Variants in AGAP1 observed in about 807,000 individuals in gnomAD.
AGAP1 encodes ArfGAP with GTPase domain, ankyrin repeat and PH domain 1, also known as arf-GAP with GTPase, ANK repeat and PH domain-containing protein 1.
In AGAP1, 29 loss-of-function variants were observed where a neutral mutation model predicts 105.3. The observed-to-expected ratio is 0.28, with a 90% CI of 0.21 to 0.38. AGAP1 has a LOEUF of 0.38. Among genes scored for constraint, AGAP1 ranks in the 10% least tolerant of loss-of-function variants. AGAP1 has a pLI of 1.00. For synonymous variants in AGAP1, 509 were observed against 485.9 expected, an observed-to-expected ratio of 1.05 and a Z score of -0.63; for missense variants, 998 against 1,165.1, an observed-to-expected ratio of 0.86 and a Z score of 2.09.
intron 1 of AGAP1, among the ~76,000 whole-genome samples, chr2:235,542,582 G>C (rs1183903153): frequency 6.7e-6 from 1 of 148,584 alleles, no homozygotes; most frequent in Non-Finnish European, 1.5e-5. Context: ...CCTTTGATGT[G>C]TCCATTCAGA....
Position 235,930,849 on chromosome 2 carries a change from A to G in AGAP1, c.1409A>G (p.Gln470Arg), listed in dbSNP as rs1242886213. ...SFNSRPDGMH[Q>R]RSYSVSSADQ... Reference sequence around the variant, plus strand: ...AACAGCCGACCCGACGGCATGCACCAGCGCTCCTACTCAGTCTCCAGTGCC... The same window carrying G: ...AACAGCCGACCCGACGGCATGCACCGGCGCTCCTACTCAGTCTCCAGTGCC... The change falls in exon 12 of 18, where the codon CAG becomes CGG. Residue 470 changes from glutamine (Q) to arginine (R), a missense_variant. By Grantham distance (43) the Gln-to-Arg change is conservative. Around this residue, in one of 3 missense-constraint regions of AGAP1, gnomAD observed 735 missense variants for 833.4 expected, o/e 0.88. Transcript: ENST00000304032. This position sits in a 1 kb window ranked among gnomAD's most constrained non-coding sequence, Gnocchi z 7.9. The G allele has an allele frequency of 1.2e-6, 2 of 1,614,118 alleles. No individual in the cohort carries two copies. Among genetic ancestry groups the G allele is most frequent in the East Asian group, 4.5e-5 (2 of 44,854 alleles).
chr2:235,896,103 C>G (rs1396590195), intron 10 of AGAP1, among the ~76,000 whole-genome samples: 1 of 152,222 alleles, frequency 6.6e-6, no homozygotes, highest in Non-Finnish European at 1.5e-5. Context: ...ACACAAATTC[C>G]TATCCCCCCT....
intron 6 of AGAP1, among the ~76,000 whole-genome samples, chr2:235,763,038 G>GTGTGTGTGTGTGTA (rs1954590114): frequency 7.6e-6 from 1 of 131,886 alleles, no homozygotes; most frequent in Non-Finnish European, 1.7e-5. Context: ...AGGCTCGGGT[G>GTGTGTGTGTGTGTA]TGTGTGTGTG....
At chr2:235,502,948 A>ATTAGC (rs967469558) in intron 1 of AGAP1, among the ~76,000 whole-genome samples, 26 of 152,094 alleles carry the variant, frequency 1.7e-4, no homozygotes, top group Non-Finnish European at 3.4e-4. Context: ...TTTAGCTTCA[A>ATTAGC]TTCAATAAGT....
chr2:235,742,837 A>G (rs564576046), intron 4 of AGAP1, among the ~76,000 whole-genome samples: 8 of 152,324 alleles, frequency 5.3e-5, no homozygotes, highest in African/African-American at 1.9e-4. Context: ...AAGTCTTACC[A>G]GTATATGAAG....
intron 1 of AGAP1, among the ~76,000 whole-genome samples, chr2:235,562,931 G>A (rs1944211076): frequency 6.6e-6 from 1 of 152,108 alleles, no homozygotes; most frequent in East Asian, 1.9e-4. Flanking sequence ...CCGGTGGTGT[G>A]CGCCTGTAGT....
chr2:235,878,887 G>A (rs2049875830), intron 9 of AGAP1, among the ~76,000 whole-genome samples: 1 of 152,234 alleles, frequency 6.6e-6, no homozygotes, highest in Non-Finnish European at 1.5e-5. Context: ...GGTGACAGAG[G>A]TGCCTGCCAG....
intron 16 of AGAP1, among the ~76,000 whole-genome samples, chr2:236,102,189 G>C (rs111760285): frequency 6.6e-6 from 1 of 151,912 alleles, no homozygotes; most frequent in South Asian, 2.1e-4. Flanking sequence ...AGGCCAAGGC[G>C]GGCGGATCAC....
chr2:235,989,855 G>A lies in AGAP1; in HGVS notation c.1645+21232G>A, dbSNP rs759528854. On this transcript the variant is annotated intron_variant, in intron 13 of 17. Transcript: ENST00000304032. The surrounding 1 kb of genome is among the most constrained non-coding windows in gnomAD (Gnocchi z 4.4). ...CAGCCTCGGAAGAGGAAATCCATGC[G>A]TCTTCCTTTTGCCCACAGGAGAAGA... Among the ~76,000 whole-genome samples, 5 of 152,172 alleles carry A rather than the reference G, an allele frequency of 3.3e-5. No individual in the cohort carries two copies. Among genetic ancestry groups the A allele is most frequent in the African/African-American group, 4.8e-5 (2 of 41,440 alleles).
rs543096984 is a variant in AGAP1, at chr2:235,882,691, C to T, written c.1051-654C>T. Among the ~76,000 whole-genome samples the T allele has an allele frequency of 5.0e-4, 76 of 152,196 alleles. No homozygotes were observed. The highest frequency in any genetic ancestry group is 1.6e-3 in the African/African-American group (66 of 41,528). On this transcript the variant is annotated intron_variant, in intron 9 of 17. Coordinates refer to ENST00000304032, the MANE Select transcript of AGAP1 (RefSeq NM_001037131.3). The surrounding 1 kb of genome is among the most constrained non-coding windows in gnomAD (Gnocchi z 4.6). The stretch of plus-strand genomic sequence containing the variant: ...TATTGGCCATGGTTGGCCAGGCTGG[C>T]CTCAAACTCCTGACCTCAGGTGATC...
At chr2:235,526,818 T>C (rs2149064595) in intron 1 of AGAP1, among the ~76,000 whole-genome samples, 1 of 152,288 alleles carries the variant, frequency 6.6e-6, no homozygotes, top group African/African-American at 2.4e-5. Context: ...ATGATAAACC[T>C]AAAAATTAAA....
Position 235,788,394 on chromosome 2 carries a change from G to A in AGAP1, c.674-9365G>A, listed in dbSNP as rs1559489424. On this transcript the variant is annotated intron_variant, in intron 6 of 17. Coordinates refer to ENST00000304032, the MANE Select transcript of AGAP1 (RefSeq NM_001037131.3). The surrounding 1 kb of genome is among the most constrained non-coding windows in gnomAD (Gnocchi z 6.0). ...GAGCCCACTAGTAAGCCAGGATGGT[G>A]TGGTGCGGATCTTGGATGAGGTTAG... 6.6e-6 allele frequency among the ~76,000 whole-genome samples: 1 copy of A among 152,168 alleles called. No individual in the cohort carries two copies. The highest frequency in any genetic ancestry group is 1.5e-5 in the Non-Finnish European group (1 of 68,030).
rs903793991 is a variant in AGAP1, at chr2:235,728,017, G to A, written c.310+10373G>A. 2.0e-5 allele frequency among the ~76,000 whole-genome samples: 3 copies of A among 152,128 alleles called. No homozygotes were observed. Among genetic ancestry groups the A allele is most frequent in the East Asian group, 3.9e-4 (2 of 5,190 alleles). On this transcript the variant is annotated intron_variant, in intron 3 of 17. Coordinates refer to ENST00000304032, the MANE Select transcript of AGAP1 (RefSeq NM_001037131.3). This position sits in a 1 kb window ranked among gnomAD's most constrained non-coding sequence, Gnocchi z 4.3. ...CCGATTAGAGCTGGGATTGCCTCTC[G>A]CAACTCCCCAAAGAAAATGCTGCGT...
Position 236,020,094 on chromosome 2 carries a change from C to G in AGAP1, c.1646-16467C>G, listed in dbSNP as rs947767962. Among the ~76,000 whole-genome samples, 2 of 152,338 alleles carry G rather than the reference C, an allele frequency of 1.3e-5. No homozygotes were observed. Among genetic ancestry groups the G allele is most frequent in the East Asian group, 1.9e-4 (1 of 5,180 alleles). Reference sequence around the variant, plus strand: ...AGTCCCACATCCCCACTTCATAGCTCTAACCTTGGGTTCTTGATGTGTCTT... The same window carrying G: ...AGTCCCACATCCCCACTTCATAGCTGTAACCTTGGGTTCTTGATGTGTCTT... On this transcript the variant is annotated intron_variant, in intron 13 of 17. Coordinates refer to ENST00000304032, the MANE Select transcript of AGAP1 (RefSeq NM_001037131.3). The surrounding 1 kb of genome is among the most constrained non-coding windows in gnomAD (Gnocchi z 5.0).
chr2:236,090,877 T>C lies in AGAP1; in HGVS notation c.2115-29315T>C, dbSNP rs2059042199. 6.6e-6 allele frequency among the ~76,000 whole-genome samples: 1 copy of C among 152,142 alleles called. No individual in the cohort carries two copies. Among genetic ancestry groups the C allele is most frequent in the African/African-American group, 2.4e-5 (1 of 41,432 alleles). The stretch of plus-strand genomic sequence containing the variant: ...GCCTCAGCCTCCTGAGTAGCTGGGA[T>C]TACAGGCATGCGCCACCATACCCGG... On this transcript the variant is annotated intron_variant, in intron 16 of 17. Transcript: ENST00000304032. The surrounding 1 kb of genome is among the most constrained non-coding windows in gnomAD (Gnocchi z 4.3).
intron 6 of AGAP1, among the ~76,000 whole-genome samples, chr2:235,759,689 T>C (rs892376450): frequency 1.3e-5 from 2 of 152,020 alleles, no homozygotes; most frequent in African/African-American, 4.8e-5. Context: ...TTATGCCATA[T>C]CCCTGGTTTA....
At chr2:235,598,735 C>T (rs1945628197) in intron 1 of AGAP1, among the ~76,000 whole-genome samples, 2 of 152,172 alleles carry the variant, frequency 1.3e-5, no homozygotes, top group African/African-American at 2.4e-5. Context: ...GCTGACTGTG[C>T]CACTCAGCAT....
In AGAP1 at chr2:236,042,836, G is replaced by A. The variant is rs1442160151; in HGVS notation, c.1891+1995G>A. ...GTTTGACAATTCAGGAGAAAGAGGC[G>A]ATACCAAGCACGCATTTGCTAAATG... On this transcript the variant is annotated intron_variant, in intron 15 of 17. Transcript: ENST00000304032. This position sits in a 1 kb window ranked among gnomAD's most constrained non-coding sequence, Gnocchi z 5.6. 6.6e-6 allele frequency among the ~76,000 whole-genome samples: 1 copy of A among 152,182 alleles called. No homozygotes were observed. Among genetic ancestry groups the A allele is most frequent in the African/African-American group, 2.4e-5 (1 of 41,446 alleles).
intron 13 of AGAP1, among the ~76,000 whole-genome samples, chr2:235,998,024 A>G (rs2055892818): frequency 6.6e-6 from 1 of 152,180 alleles, no homozygotes; most frequent in Admixed American, 6.5e-5. Flanking sequence ...AATTTCAGTG[A>G]TTAACAAAAT....
Sources: gnomAD v4.1 joint callset for allele counts (sites outside exome capture counted in the v4.1 genomes callset) on GRCh38, gnomAD v4.1.1 for gene constraint, gnomAD v4.1.1 regional missense constraint, Gnocchi (gnomAD v3.1) non-coding constraint, MANE v1.5 for transcripts, NCBI Gene and HGNC (gene_info 2026-07-23, HGNC 2026-07-21) for gene names.